WDR76: variants seen among roughly 807,000 people sequenced by gnomAD.
WDR76 encodes the protein WD repeat domain 76, also known as WD repeat-containing protein 76.
In WDR76, 52 loss-of-function variants were observed where a neutral mutation model predicts 70.2. The observed-to-expected ratio is 0.74, with a 90% confidence interval of 0.59 to 0.93. The LOEUF (loss-of-function observed/expected upper bound fraction) is 0.93. Ranked by LOEUF, WDR76 falls within the 40% of genes least tolerant of loss-of-function variation. The pLI, the probability that WDR76 is intolerant of heterozygous loss-of-function variation, is 0.00. For synonymous variants in WDR76, 292 were observed against 271.1 expected, an observed-to-expected ratio of 1.08 and a Z score of -0.76; for missense variants, 756 against 760.2, an observed-to-expected ratio of 0.99 and a Z score of 0.07.
At chr15:43,857,926 T>C (rs935460892) in intron 10 of WDR76, among the ~76,000 whole-genome samples, 3 of 151,122 alleles carry the variant, frequency 2.0e-5, no homozygotes, top group East Asian at 1.9e-4. Context: ...TATACCAGTT[T>C]TGGGGAAATT....
chr15:43,864,690 G>A (rs1195573713), intron 12 of WDR76, among the ~76,000 whole-genome samples: 2 of 151,848 alleles, frequency 1.3e-5, no homozygotes, highest in African/African-American at 4.8e-5. Flanking sequence ...CGCCTCCTGG[G>A]TTCAAGCAGT....
intron 2 of WDR76, among the ~76,000 whole-genome samples, chr15:43,832,412 C>T (rs150319631): frequency 4.7e-5 from 7 of 149,426 alleles, no homozygotes; most frequent in South Asian, 2.1e-4. Flanking sequence ...GATAACATGC[C>T]GAGGCCTGGG....
chr15:43,843,077 G>A (rs552929883), intron 7 of WDR76, among the ~76,000 whole-genome samples: 6 of 134,596 alleles, frequency 4.5e-5, no homozygotes, highest in Non-Finnish European at 7.6e-5. Flanking sequence ...AGGCTGCAGT[G>A]CAGTGGCACT....
intron 10 of WDR76, 131 bp from the exon 11 acceptor site, chr15:43,858,540 C>T (rs1394240979): frequency 8.2e-7 from 1 of 1,212,614 alleles, no homozygotes; most frequent in Non-Finnish European, 1.1e-6. Flanking sequence ...GCCACCGCAC[C>T]TGGCTGAGAG....
intron 8 of WDR76, among the ~76,000 whole-genome samples, chr15:43,850,275 T>C (rs2087840469): frequency 6.7e-6 from 1 of 149,136 alleles, no homozygotes. Context: ...TTTTTTTATT[T>C]TATTTTATTT....
At position 43,829,599 on chromosome 15, in the gene WDR76, C is replaced by T. The variant is rs542253791; in HGVS notation, c.462+1233C>T. On this transcript the variant is annotated intron_variant, in intron 2 of 12. Transcript: ENST00000263795. Reference sequence around the variant, plus strand: ...TCGGCTTACTGCAAGCTCCTCCTCCCGGGTTCACACCATTCTCCTGCCTCA... The same window carrying T: ...TCGGCTTACTGCAAGCTCCTCCTCCTGGGTTCACACCATTCTCCTGCCTCA... Among the ~76,000 whole-genome samples, 92 of 148,082 alleles carry T rather than the reference C, an allele frequency of 6.2e-4. No individual in the cohort carries two copies. The South Asian group carries it at 9.9e-3, about 16-fold the overall frequency.
chr15:43,832,743 G>GTTTTTTTT lies in WDR76; in HGVS notation c.463-2298_463-2291dup, dbSNP rs201304087. On this transcript the variant is annotated intron_variant, in intron 2 of 12. Coordinates refer to ENST00000263795, the MANE Select transcript of WDR76 (RefSeq NM_024908.4). The stretch of plus-strand genomic sequence containing the variant: ...TGAGCCATTGCACCCGGCTTGCTTT[G>GTTTTTTTT]TTTTTTTTTTTTTTTTTTTTTTTTT... Among the ~76,000 whole-genome samples, 360 of 68,110 alleles carry GTTTTTTTT rather than the reference G, an allele frequency of 5.3e-3. 85 individuals carry two copies. The highest frequency in any genetic ancestry group is 0.012 in the East Asian group (23 of 1,912). The allele number at this position is 68,110 out of a possible 152,430, so 44.7% of individuals were successfully genotyped here.
At chr15:43,832,211 C>A (rs1032850824) in intron 2 of WDR76, among the ~76,000 whole-genome samples, 3 of 152,004 alleles carry the variant, frequency 2.0e-5, no homozygotes, top group African/African-American at 7.2e-5. Flanking sequence ...TCTTTGTGAT[C>A]TTTTTTTCCC....
At chr15:43,850,274 T>C (rs1381167172) in intron 8 of WDR76, among the ~76,000 whole-genome samples, 1 of 149,046 alleles carries the variant, frequency 6.7e-6, no homozygotes, top group Non-Finnish European at 1.5e-5. Context: ...ATTTTTTTAT[T>C]TTATTTTATT....
chr15:43,837,380 A>G (rs1431252023), intron 4 of WDR76, among the ~76,000 whole-genome samples: 2 of 152,220 alleles, frequency 1.3e-5, no homozygotes, highest in Non-Finnish European at 2.9e-5. Context: ...AAACAGTAGC[A>G]CTGGTCCTGT....
In WDR76 at chr15:43,866,601, G is replaced by A; in HGVS notation, c.*209G>A. The A allele has an allele frequency of 3.8e-6, 2 of 531,682 alleles. No homozygotes were observed. Among genetic ancestry groups the A allele is most frequent in the Non-Finnish European group, 6.4e-6 (2 of 314,160 alleles). The allele number at this position is 531,682 out of a possible 1,614,324, so 32.9% of individuals were successfully genotyped here. A position where few individuals can be genotyped will look rare whatever the true frequency, so the allele number is the denominator to read the frequency against. On this transcript the variant is annotated 3_prime_UTR_variant, in exon 13 of 13. Coordinates refer to ENST00000263795, the MANE Select transcript of WDR76 (RefSeq NM_024908.4). ...GCAGGACGGGGAGGGAATTTGAGGG[G>A]AGGCTGAGGTGCCGTCAGGACTTTT...
rs2088092660 is a variant in WDR76 at position 43,867,807 on chromosome 15, GTGTT to G, written c.*1420_*1423del. ...TTTCAGAAGTTATGGTAATTTCAAT[GTGTT>G]TGTTGTTGGGAGGGGAGCTGCCAAA... On this transcript the variant is annotated 3_prime_UTR_variant, in exon 13 of 13. Coordinates refer to ENST00000263795, the MANE Select transcript of WDR76 (RefSeq NM_024908.4). 6.6e-6 allele frequency: 1 copy of G among 152,132 alleles called. No individual in the cohort carries two copies. The allele number at this position is 152,132 out of a possible 1,614,324, so 9.4% of individuals were successfully genotyped here.
At chr15:43,830,671 A>C (rs567433388) in intron 2 of WDR76, among the ~76,000 whole-genome samples, 13 of 152,122 alleles carry the variant, frequency 8.5e-5, no homozygotes, top group Non-Finnish European at 1.9e-4. Flanking sequence ...TAAAGAAAAA[A>C]AAAAGGAGGT....
intron 8 of WDR76, among the ~76,000 whole-genome samples, chr15:43,850,520 C>G (rs1424652886): frequency 6.6e-6 from 1 of 151,986 alleles, no homozygotes; most frequent in Non-Finnish European, 1.5e-5. Context: ...TGGTCTCGAT[C>G]TCCTGACCTC....
At position 43,868,106 on chromosome 15, in the gene WDR76, A is replaced by C. The variant is rs2088096061; in HGVS notation, c.*1714A>C. The C allele has an allele frequency of 6.6e-6, 1 of 152,216 alleles. No individual in the cohort carries two copies. Among genetic ancestry groups the C allele is most frequent in the South Asian group, 2.1e-4 (1 of 4,832 alleles). The allele number at this position is 152,216 out of a possible 1,614,324, so 9.4% of individuals were successfully genotyped here. On this transcript the variant is annotated 3_prime_UTR_variant, in exon 13 of 13. Coordinates refer to ENST00000263795, the MANE Select transcript of WDR76 (RefSeq NM_024908.4). ...TATAAGCAATAGTTCTCTATTTTCT[A>C]GTTGATATAAGTAGAAGAATTGACA...
In WDR76 at chr15:43,861,368, C is replaced by A. The variant is rs189864761; in HGVS notation, c.1598C>A (p.Pro533Gln). The change falls in exon 12 of 13, where the codon CCG becomes CAG. Residue 533 changes from proline (P) to glutamine (Q), a missense_variant. Pro to Gln is a moderately conservative substitution (Grantham distance 76, BLOSUM62 -1). Transcript: ENST00000263795. ...FDSSCISSKI[P>Q]LLTTIRHNTF... is the part of the protein sequence containing the mutation. Reference sequence around the variant, plus strand: ...AGCAGCTGTATATCTTCTAAGATTCCGCTCCTCACCACCATCAGGTAGGCT... The same window carrying A: ...AGCAGCTGTATATCTTCTAAGATTCAGCTCCTCACCACCATCAGGTAGGCT... The A allele has an allele frequency of 2.5e-6, 4 of 1,613,830 alleles. No individual in the cohort carries two copies. The East Asian group carries it at 8.9e-5, about 36-fold the overall frequency.
chr15:43,827,027 C>T lies in WDR76; in HGVS notation c.-6C>T. On this transcript the variant is annotated 5_prime_UTR_variant, in exon 1 of 13. Coordinates refer to ENST00000263795, the MANE Select transcript of WDR76 (RefSeq NM_024908.4). ...GGGAAGGCGCCGGCCGCTAAGAAGC[C>T]GAAAGATGTCCAGGTCGGGCGCGGC... 3 of 1,613,914 alleles carry T rather than the reference C, an allele frequency of 1.9e-6. No individual in the cohort carries two copies. The highest frequency in any genetic ancestry group is 2.5e-6 in the Non-Finnish European group (3 of 1,180,006).
chr15:43,850,135 A>G (rs1347475497), intron 8 of WDR76, among the ~76,000 whole-genome samples: 1 of 152,146 alleles, frequency 6.6e-6, no homozygotes, highest in South Asian at 2.1e-4. Context: ...AATATGCCAT[A>G]TGGCATAGAA....
intron 8 of WDR76, among the ~76,000 whole-genome samples, chr15:43,848,752 A>G (rs1378589751): frequency 2.6e-5 from 4 of 152,120 alleles, no homozygotes; most frequent in South Asian, 2.1e-4. Flanking sequence ...CAGCCTGACT[A>G]ACATGGTGAA....
Sources: allele counts gnomAD v4.1 joint callset (sites outside exome capture counted in the v4.1 genomes callset), GRCh38; gene constraint gnomAD v4.1.1; transcripts MANE v1.5; gene names NCBI Gene and HGNC (gene_info 2026-07-23, HGNC 2026-07-21).